Variants in IQCH observed in about 807,000 individuals in gnomAD.
IQCH encodes IQ domain-containing protein H.
A neutral mutation model predicts 117.0 loss-of-function variants in IQCH; 98 were observed. That is an observed-to-expected ratio of 0.84 (90% CI 0.71 to 0.99). The LOEUF is 0.99. Ranked by LOEUF, IQCH falls within the 50% of genes least tolerant of loss-of-function variation. IQCH has a pLI of 0.00. For missense variants in IQCH, 1,102 were observed against 1,243.8 expected, an observed-to-expected ratio of 0.89 and a Z score of 1.72; for synonymous variants, 412 against 448.2, an observed-to-expected ratio of 0.92 and a Z score of 1.02.
Position 67,474,833 on chromosome 15 carries a change from C to T in IQCH, c.2677-863C>T, listed in dbSNP as rs2083165051. Among the ~76,000 whole-genome samples, 1 of 152,220 alleles carries T rather than the reference C, an allele frequency of 6.6e-6. No individual in the cohort carries two copies. Among genetic ancestry groups the T allele is most frequent in the Non-Finnish European group, 1.5e-5 (1 of 68,044 alleles). On this transcript the variant is annotated intron_variant, in intron 17 of 20. Coordinates refer to ENST00000335894, the MANE Select transcript of IQCH (RefSeq NM_001031715.3). This position sits in a 1 kb window ranked among gnomAD's most constrained non-coding sequence, Gnocchi z 4.1. Reference sequence around the variant, plus strand: ...GCCAGGTGATAAAGGTTAACATCATCAGTGATAAGTCACACTGATACCATC... The same window carrying T: ...GCCAGGTGATAAAGGTTAACATCATTAGTGATAAGTCACACTGATACCATC...
At chr15:67,363,477 C>T (rs1054617799) in intron 8 of IQCH, among the ~76,000 whole-genome samples, 2 of 151,926 alleles carry the variant, frequency 1.3e-5, no homozygotes, top group African/African-American at 2.4e-5. Flanking sequence ...AACTCCTGAC[C>T]TCAAATGATC....
intron 3 of IQCH, among the ~76,000 whole-genome samples, chr15:67,273,351 C>T (rs1215362328): frequency 1.3e-5 from 2 of 152,092 alleles, no homozygotes; most frequent in Admixed American, 6.5e-5. Flanking sequence ...ATTATAGGCA[C>T]GAGCCACCAT....
At chr15:67,286,230 A>G (rs1226497009) in intron 4 of IQCH, among the ~76,000 whole-genome samples, 1 of 151,950 alleles carries the variant, frequency 6.6e-6, no homozygotes, top group Non-Finnish European at 1.5e-5. Flanking sequence ...TCTTTTTCAC[A>G]TTGTTCGCTG....
intron 4 of IQCH, among the ~76,000 whole-genome samples, chr15:67,323,408 A>C (rs1968240665): frequency 6.6e-6 from 1 of 151,524 alleles, no homozygotes; most frequent in Non-Finnish European, 1.5e-5. Context: ...ATGCCTGGCT[A>C]ATTTTTTGTA....
chr15:67,313,322 A>G (rs1967691425), intron 4 of IQCH, among the ~76,000 whole-genome samples: 1 of 152,118 alleles, frequency 6.6e-6, no homozygotes, highest in African/African-American at 2.4e-5. Flanking sequence ...AAGTTAACAT[A>G]GGTATACCAC....
intron 3 of IQCH, among the ~76,000 whole-genome samples, chr15:67,277,723 C>T (rs573719655): frequency 2.6e-5 from 4 of 151,942 alleles, no homozygotes; most frequent in Non-Finnish European, 2.9e-5. Context: ...TTAGTACAGA[C>T]GGGGTTTCAC....
chr15:67,316,601 CTT>C (rs1201403416), intron 4 of IQCH, among the ~76,000 whole-genome samples: 1 of 152,104 alleles, frequency 6.6e-6, no homozygotes. Flanking sequence ...TTTCTGAGGG[CTT>C]CTCTGAGTTG....
chr15:67,281,508 G>A (rs1007050244), intron 4 of IQCH: 6 of 334,286 alleles, frequency 1.8e-5, no homozygotes, highest in Admixed American at 1.2e-4. Context: ...GAGGGAGAAA[G>A]GAAGAAGCTT....
chr15:67,273,929 G>A (rs1478115029), intron 3 of IQCH, among the ~76,000 whole-genome samples: 1 of 152,206 alleles, frequency 6.6e-6, no homozygotes, highest in Admixed American at 6.5e-5. Context: ...GGATACCTCT[G>A]ATGGATACAG....
chr15:67,392,672 G>A (rs1971326371), intron 12 of IQCH, among the ~76,000 whole-genome samples: 1 of 151,910 alleles, frequency 6.6e-6, no homozygotes, highest in Non-Finnish European at 1.5e-5. Flanking sequence ...AGCTGCTTGA[G>A]GGGCTAAGAT....
At chr15:67,348,445 A>G (rs982505436) in intron 6 of IQCH, among the ~76,000 whole-genome samples, 1 of 152,138 alleles carries the variant, frequency 6.6e-6, no homozygotes, top group East Asian at 1.9e-4. Context: ...CAAGATTAAC[A>G]TACAAAAATA....
chr15:67,471,177 A>G (rs2083062016), intron 17 of IQCH, among the ~76,000 whole-genome samples: 1 of 152,132 alleles, frequency 6.6e-6, no homozygotes. Context: ...CTTTGTGTAT[A>G]TATCATTTGG....
At chr15:67,477,336 C>T (rs189396375) in intron 18 of IQCH, among the ~76,000 whole-genome samples, 54 of 152,204 alleles carry the variant, frequency 3.5e-4, no homozygotes, top group Admixed American at 1.7e-3. Flanking sequence ...CATGAGCCAC[C>T]GCGCCCAGCC....
Position 67,494,236 on chromosome 15 carries a change from T to A in IQCH, c.2862-22T>A, listed in dbSNP as rs1157917820. The A allele has an allele frequency of 6.4e-7, 1 of 1,565,090 alleles. No individual in the cohort carries two copies. Among genetic ancestry groups the A allele is most frequent in the Non-Finnish European group, 8.7e-7 (1 of 1,149,714 alleles). ...GTGAAGGGAATCGTTGGTAAACTCA[T>A]TTGTTTGGATATCATTAACAGAACA... On this transcript the variant is annotated intron_variant, in intron 19 of 20. Coordinates refer to ENST00000335894, the MANE Select transcript of IQCH (RefSeq NM_001031715.3). The surrounding 1 kb of genome is among the most constrained non-coding windows in gnomAD (Gnocchi z 5.5).
At chr15:67,379,156 T>C (rs1970836202) in intron 10 of IQCH, among the ~76,000 whole-genome samples, 1 of 152,248 alleles carries the variant, frequency 6.6e-6, no homozygotes, top group African/African-American at 2.4e-5. Flanking sequence ...TTCTCATATC[T>C]GCTTCTGTAT....
chr15:67,480,154 T>C (rs1469745683), intron 18 of IQCH, among the ~76,000 whole-genome samples: 1 of 152,152 alleles, frequency 6.6e-6, no homozygotes, highest in African/African-American at 2.4e-5. Flanking sequence ...TCACCAGCAA[T>C]CATTTCCTCT....
At chr15:67,374,202 T>G (rs1473302866) in intron 10 of IQCH, 2 of 152,342 alleles carry the variant, frequency 1.3e-5, no homozygotes, top group African/African-American at 4.8e-5. Flanking sequence ...TTATTTTGTT[T>G]TGTTTTGTTT....
In IQCH at chr15:67,422,612, T is replaced by C. The variant is rs1359791370; in HGVS notation, c.2505+1035T>C. The stretch of plus-strand genomic sequence containing the variant: ...ATAATGTAGAGTTTTATTTTGCATG[T>C]TTTTAAGAATTTTGTAGATCATAAC... On this transcript the variant is annotated intron_variant, in intron 16 of 20. Transcript: ENST00000335894. This position sits in a 1 kb window ranked among gnomAD's most constrained non-coding sequence, Gnocchi z 4.7. Among the ~76,000 whole-genome samples the C allele has an allele frequency of 6.6e-6, 1 of 152,238 alleles. No individual in the cohort carries two copies. Among genetic ancestry groups the C allele is most frequent in the Non-Finnish European group, 1.5e-5 (1 of 68,034 alleles).
At chr15:67,419,537 G>C (rs979139355) in intron 15 of IQCH, among the ~76,000 whole-genome samples, 1 of 152,104 alleles carries the variant, frequency 6.6e-6, no homozygotes, top group Non-Finnish European at 1.5e-5. Flanking sequence ...GATTATATCA[G>C]AAGCAATACT....
Sources: allele counts gnomAD v4.1 joint callset (sites outside exome capture counted in the v4.1 genomes callset), GRCh38; gene constraint gnomAD v4.1.1; non-coding constraint Gnocchi (gnomAD v3.1); transcripts MANE v1.5; gene names NCBI Gene and HGNC (gene_info 2026-07-23, HGNC 2026-07-21).